The following GLCE variants were observed in gnomAD, a reference collection of about 807,000 sequenced individuals.
GLCE encodes the protein glucuronic acid epimerase.
A neutral mutation model predicts 47.9 loss-of-function variants in GLCE; 19 were observed. The ratio of observed to expected loss-of-function variants is 0.40; its 90% CI spans 0.28 to 0.58. The LOEUF (loss-of-function observed/expected upper bound fraction) is 0.58, where lower values mean the gene tolerates loss of function less well. Ranked by LOEUF, GLCE falls within the 20% of genes least tolerant of loss-of-function variation. The probability of loss-of-function intolerance (pLI) is 0.48; values close to 1 mark genes in which losing one functional copy is unlikely to be tolerated. For synonymous variants in GLCE, 245 were observed against 263.4 expected, an observed-to-expected ratio of 0.93 and a Z score of 0.68; for missense variants, 556 against 743.3, an observed-to-expected ratio of 0.75 and a Z score of 2.93.
At chr15:69,217,883 C>T (rs369269852) in intron 2 of GLCE, among the ~76,000 whole-genome samples, 5 of 152,242 alleles carry the variant, frequency 3.3e-5, no homozygotes, top group South Asian at 4.2e-4. Context: ...AGGCCAGGCG[C>T]GGTGGCTCAT....
chr15:69,260,262 T>G (rs1425873894), intron 3 of GLCE, among the ~76,000 whole-genome samples: 5 of 143,256 alleles, frequency 3.5e-5, no homozygotes, highest in South Asian at 2.4e-4. Context: ...GTTTTTTTTT[T>G]TTTTTTTTTT....
chr15:69,248,381 C>T (rs554715552), intron 2 of GLCE, among the ~76,000 whole-genome samples: 10 of 152,192 alleles, frequency 6.6e-5, no homozygotes, highest in Admixed American at 2.0e-4. Flanking sequence ...CATCACAGTC[C>T]GTATTCTGTT....
At chr15:69,245,112 C>T (rs1004709710) in intron 2 of GLCE, among the ~76,000 whole-genome samples, 1 of 152,066 alleles carries the variant, frequency 6.6e-6, no homozygotes, top group African/African-American at 2.4e-5. Flanking sequence ...TGGGGAGGAT[C>T]ACTTGAGGTC....
chr15:69,181,392 A>G (rs558387095), intron 1 of GLCE, among the ~76,000 whole-genome samples: 19 of 152,336 alleles, frequency 1.2e-4, no homozygotes, highest in Admixed American at 6.5e-4. Context: ...GATTTGGAGC[A>G]CTACAACATT....
chr15:69,178,722 A>C (rs2051708580), intron 1 of GLCE, among the ~76,000 whole-genome samples: 1 of 152,142 alleles, frequency 6.6e-6, no homozygotes, highest in African/African-American at 2.4e-5. Flanking sequence ...CAGGAACACA[A>C]ATTGTGCAAT....
chr15:69,224,696 A>T (rs1351898571), intron 2 of GLCE, among the ~76,000 whole-genome samples: 1 of 152,228 alleles, frequency 6.6e-6, no homozygotes, highest in Non-Finnish European at 1.5e-5. Context: ...GAGCACATGC[A>T]CAGCTGCCTG....
At position 69,268,636 on chromosome 15, in the gene GLCE, C is replaced by A. The variant is rs1204487094; in HGVS notation, c.1246C>A (p.Gln416Lys). Residue 416 changes from glutamine (Q) to lysine (K), a missense_variant, in exon 5 of 5, where the codon CAG (glutamine) becomes AAG (lysine). This residue lies in a region of GLCE where 245 missense variants were observed against 368.1 expected (regional missense o/e 0.67). Transcript: ENST00000261858. ...FAASDWLVRN[Q>K]DEKGGWPIMV... ...TGCTAGTGATTGGCTAGTAAGGAAC[C>A]AGGATGAGAAAGGTGGCTGGCCAAT... 1 of 1,614,150 alleles carries A rather than the reference C, an allele frequency of 6.2e-7. No homozygotes were observed.
intron 2 of GLCE, among the ~76,000 whole-genome samples, chr15:69,216,031 G>A (rs2052302361): frequency 6.6e-6 from 1 of 152,036 alleles, no homozygotes; most frequent in African/African-American, 2.4e-5. Context: ...TCATATATGA[G>A]TTTTGGTTAT....
intron 4 of GLCE, among the ~76,000 whole-genome samples, chr15:69,266,350 A>G (rs1315451614): frequency 6.6e-6 from 1 of 151,586 alleles, no homozygotes; most frequent in Non-Finnish European, 1.5e-5. Context: ...TTTTTTTAAG[A>G]GACAGAGTCT....
Position 69,268,286 on chromosome 15 carries a change from A to C in GLCE, c.896A>C (p.Lys299Thr). The C allele has an allele frequency of 6.2e-7, 1 of 1,612,634 alleles. No homozygotes were observed. The highest frequency in any genetic ancestry group is 8.5e-7 in the Non-Finnish European group (1 of 1,179,084). The part of the protein sequence containing the change: ...TKDFIISFDL[K>T]FLTNGSVSVV... ...GATTTTATTATTTCATTTGACCTCA[A>C]GTTCTTGACAAATGGAAGTGTGTCC... Residue 299 changes from lysine (K) to threonine (T), a missense_variant, in exon 5 of 5, where the codon AAG becomes ACG. This residue lies in a region of GLCE where 74 missense variants were observed against 64.4 expected (regional missense o/e 1.15). Coordinates refer to ENST00000261858, the MANE Select transcript of GLCE (RefSeq NM_015554.3).
intron 1 of GLCE, among the ~76,000 whole-genome samples, chr15:69,208,655 C>CA (rs1258920135): frequency 6.6e-5 from 10 of 152,100 alleles, no homozygotes; most frequent in Middle Eastern, 3.4e-3. Flanking sequence ...TCTATAACTA[C>CA]AAAAAATCCT....
At chr15:69,214,432 C>T (rs1219077859) in intron 2 of GLCE, among the ~76,000 whole-genome samples, 3 of 152,056 alleles carry the variant, frequency 2.0e-5, no homozygotes. Context: ...GACAGTTCCT[C>T]CCTTACACAC....
At chr15:69,247,452 G>A (rs1349772225) in intron 2 of GLCE, among the ~76,000 whole-genome samples, 1 of 152,090 alleles carries the variant, frequency 6.6e-6, no homozygotes, top group South Asian at 2.1e-4. Context: ...CCTTAAGACC[G>A]CCAGAATTTT....
At chr15:69,217,464 A>G (rs1398406917) in intron 2 of GLCE, among the ~76,000 whole-genome samples, 2 of 151,948 alleles carry the variant, frequency 1.3e-5, no homozygotes, top group Admixed American at 1.3e-4. Flanking sequence ...GAAAAAAAAG[A>G]AGAAAGAATG....
chr15:69,193,042 T>C (rs1028701570), intron 1 of GLCE, among the ~76,000 whole-genome samples: 14 of 152,208 alleles, frequency 9.2e-5, no homozygotes, highest in Non-Finnish European at 2.1e-4. Flanking sequence ...TTTTGGGATC[T>C]CTTTCCGTGT....
At chr15:69,230,563 C>A in intron 2 of GLCE, among the ~76,000 whole-genome samples, 1 of 152,172 alleles carries the variant, frequency 6.6e-6, no homozygotes, top group Non-Finnish European at 1.5e-5. Flanking sequence ...ATCCTTGTTA[C>A]ATTAGTTTTA....
chr15:69,268,734 G>C lies in GLCE; in HGVS notation c.1344G>C (p.Gly448=). 6.2e-7 allele frequency: 1 copy of C among 1,614,142 alleles called. No individual in the cohort carries two copies. Among genetic ancestry groups the C allele is most frequent in the Non-Finnish European group, 8.5e-7 (1 of 1,180,020 alleles). Residue 448 remains glycine (G), a synonymous_variant, in exon 5 of 5, where the codon GGG becomes GGC. Transcript: ENST00000261858. ...EPGWYSAMAQ[G]QAISTLVRAY... ...GATGGTATTCTGCCATGGCCCAAGGGCAAGCCATTTCTACATTAGTCAGGG... is the reference window on the plus strand; with the variant it reads ...GATGGTATTCTGCCATGGCCCAAGGCCAAGCCATTTCTACATTAGTCAGGG...
At chr15:69,220,482 A>G (rs1378543730) in intron 2 of GLCE, among the ~76,000 whole-genome samples, 1 of 152,040 alleles carries the variant, frequency 6.6e-6, no homozygotes, top group Non-Finnish European at 1.5e-5. Flanking sequence ...GATAATGGGT[A>G]TGAGGCAGTA....
At chr15:69,190,908 C>G (rs904942940) in intron 1 of GLCE, among the ~76,000 whole-genome samples, 2 of 151,998 alleles carry the variant, frequency 1.3e-5, no homozygotes, top group African/African-American at 2.4e-5. Flanking sequence ...TTTACTTGCA[C>G]TATTGTCTTA....
Sources: allele counts gnomAD v4.1 joint callset (sites outside exome capture counted in the v4.1 genomes callset), GRCh38; gene constraint gnomAD v4.1.1; regional missense constraint gnomAD v4.1.1; transcripts MANE v1.5; gene names NCBI Gene and HGNC (gene_info 2026-07-23, HGNC 2026-07-21).